Variants in PATJ observed in about 807,000 individuals in gnomAD.
The protein encoded by PATJ is PATJ crumbs cell polarity complex component.
In PATJ, 190 loss-of-function variants were observed where a neutral mutation model predicts 224.9. The ratio of observed to expected loss-of-function variants is 0.84; its 90% CI spans 0.75 to 0.95. The LOEUF is 0.95. Ranked by LOEUF, PATJ falls within the 40% of genes least tolerant of loss-of-function variation. The pLI, the probability that PATJ is intolerant of heterozygous loss-of-function variation, is 0.00. For missense variants in PATJ, 2,121 were observed against 2,270.3 expected (o/e 0.93, Z 1.34); for synonymous variants, 769 against 820.3 (o/e 0.94, Z 1.07).
At chr1:61,812,425 AGAGAGAGAGTGTGT>A (rs1258745292) in intron 14 of PATJ, among the ~76,000 whole-genome samples, 9 of 113,590 alleles carry the variant, frequency 7.9e-5, no homozygotes, top group African/African-American at 1.3e-4. Context: ...AGAGAGAGAG[AGAGAGAGAGTGTGT>A]GTGTGTGTGT....
intron 37 of PATJ, among the ~76,000 whole-genome samples, chr1:62,119,291 T>C (rs1334233069): frequency 2.0e-5 from 3 of 152,204 alleles, no homozygotes; most frequent in Non-Finnish European, 4.4e-5. Context: ...CATGATGAGT[T>C]GAAGACTGAC....
intron 27 of PATJ, among the ~76,000 whole-genome samples, chr1:61,982,817 T>G (rs1644523764): frequency 6.6e-6 from 1 of 151,990 alleles, no homozygotes; most frequent in Non-Finnish European, 1.5e-5. Flanking sequence ...GGTTCTTTGT[T>G]TTTTCTGTTT....
chr1:61,986,958 ACTTTT>A (rs974527440), intron 27 of PATJ, among the ~76,000 whole-genome samples: 11 of 150,824 alleles, frequency 7.3e-5, no homozygotes, highest in Non-Finnish European at 1.5e-4. Context: ...TTTTTTTTTA[ACTTTT>A]CTTGTTCTCT....
In PATJ at chr1:61,808,464, G is replaced by C. The variant is rs1386768009; in HGVS notation, c.1627-10G>C. The C allele has an allele frequency of 6.3e-7, 1 of 1,579,868 alleles. No homozygotes were observed. The highest frequency in any genetic ancestry group is 1.7e-5 in the Admixed American group (1 of 58,140). Reference sequence around the variant, plus strand: ...TTTACAAATACTGGAAATTTTTTTTGTAAATTTAGGTTGCTACTTTGGACA... The same window carrying C: ...TTTACAAATACTGGAAATTTTTTTTCTAAATTTAGGTTGCTACTTTGGACA... On this transcript the variant is annotated splice_polypyrimidine_tract_variant and intron_variant, in intron 13 of 43. Coordinates refer to ENST00000642238, the MANE Select transcript of PATJ (RefSeq NM_001350145.3).
intron 27 of PATJ, among the ~76,000 whole-genome samples, chr1:61,946,890 T>C (rs1353427821): frequency 1.3e-5 from 2 of 152,172 alleles, no homozygotes; most frequent in African/African-American, 4.8e-5. Context: ...GGCCTCATCC[T>C]TGGGATGCAA....
In PATJ at chr1:61,896,729, G is replaced by T. The variant is rs565777348; in HGVS notation, c.3132-2854G>T. 9.9e-5 allele frequency among the ~76,000 whole-genome samples: 15 copies of T among 152,210 alleles called. No individual in the cohort carries two copies. The East Asian group carries it at 2.9e-3, about 29-fold the overall frequency. On this transcript the variant is annotated intron_variant, in intron 22 of 43. Transcript: ENST00000642238. ...ACCTGATGAGAGGTGATTGGATCAT[G>T]GGGGAAGTTTTCACATGTTGTTCTC...
intron 13 of PATJ, among the ~76,000 whole-genome samples, chr1:61,806,874 G>A (rs535354090): frequency 9.8e-4 from 149 of 152,078 alleles, no homozygotes; most frequent in African/African-American, 3.1e-3. Flanking sequence ...TTTTTAGGCC[G>A]GGTGGAGTAG....
rs752592500 is a variant in PATJ at position 61,827,407 on chromosome 1, C to G, written c.1819-15C>G. On this transcript the variant is annotated splice_polypyrimidine_tract_variant and intron_variant, in intron 15 of 43. Transcript: ENST00000642238. Reference sequence around the variant, plus strand: ...GGGGCTGGCTCAGTTCTGACTTATCCCCTTGTCTTCCTAGGTCAATGGCAT... The same window carrying G: ...GGGGCTGGCTCAGTTCTGACTTATCGCCTTGTCTTCCTAGGTCAATGGCAT... 6.2e-7 allele frequency: 1 copy of G among 1,606,674 alleles called. No homozygotes were observed. The highest frequency in any genetic ancestry group is 1.1e-5 in the South Asian group (1 of 89,808).
chr1:61,818,881 T>C (rs1051005872), intron 14 of PATJ, among the ~76,000 whole-genome samples: 8 of 152,130 alleles, frequency 5.3e-5, no homozygotes, highest in African/African-American at 1.7e-4. Context: ...TAGATGCGGA[T>C]TGGGAGAGGA....
chr1:62,011,719 T>TAA (rs11448104), intron 28 of PATJ, among the ~76,000 whole-genome samples: 9,501 of 143,508 alleles, frequency 0.066, 688 homozygotes, highest in East Asian at 0.41. Context: ...TTTCCATTTG[T>TAA]AAAAAAAAAA....
At chr1:61,782,351 C>A (rs1273111298) in intron 7 of PATJ, among the ~76,000 whole-genome samples, 1 of 152,144 alleles carries the variant, frequency 6.6e-6, no homozygotes, top group East Asian at 1.9e-4. Flanking sequence ...ATGCTTATAA[C>A]CCACTGGGAG....
At chr1:61,793,806 T>C (rs1010906324) in intron 9 of PATJ, among the ~76,000 whole-genome samples, 2 of 151,994 alleles carry the variant, frequency 1.3e-5, no homozygotes. Context: ...AAAAATAAAT[T>C]TGGGCAGATT....
At chr1:62,013,407 A>G (rs961836482) in intron 28 of PATJ, 3 of 985,178 alleles carry the variant, frequency 3.0e-6, no homozygotes, top group East Asian at 1.1e-4. Context: ...CACCACTTCC[A>G]TTCAGGACTG....
chr1:61,858,897 A>T (rs140542267), intron 18 of PATJ, among the ~76,000 whole-genome samples: 1 of 152,298 alleles, frequency 6.6e-6, no homozygotes, highest in African/African-American at 2.4e-5. Context: ...GCACATAGCT[A>T]AGTAAGTTCT....
chr1:61,887,496 G>A (rs747963654), intron 22 of PATJ, among the ~76,000 whole-genome samples: 1 of 152,142 alleles, frequency 6.6e-6, no homozygotes, highest in African/African-American at 2.4e-5. Context: ...TGGTAGGAGA[G>A]TAACCACCTA....
intron 42 of PATJ, among the ~76,000 whole-genome samples, chr1:62,152,383 G>A (rs888739176): frequency 1.3e-5 from 2 of 152,000 alleles, no homozygotes; most frequent in East Asian, 1.9e-4. Context: ...GTCTGAGTGC[G>A]GCAGCTCACG....
intron 14 of PATJ, among the ~76,000 whole-genome samples, chr1:61,819,566 A>G (rs1487810674): frequency 7.0e-6 from 1 of 142,646 alleles, no homozygotes; most frequent in Admixed American, 6.9e-5. Flanking sequence ...GATCAGTGGT[A>G]TGCTGGTAAG....
At chr1:62,117,009 G>A in intron 36 of PATJ, 123 bp from the exon 37 acceptor site, 1 of 777,270 alleles carries the variant, frequency 1.3e-6, no homozygotes, top group Non-Finnish European at 2.1e-6. Context: ...CTCTCTCTAG[G>A]GCTATGCCTG....
Position 61,952,576 on chromosome 1 carries a change from T to C in PATJ, c.3670+24747T>C, listed in dbSNP as rs2482878. Among the ~76,000 whole-genome samples the C allele has an allele frequency of 3.6e-3, 550 of 152,364 alleles. 3 individuals are homozygous for C. Among genetic ancestry groups the C allele is most frequent in the African/African-American group, 0.012 (519 of 41,600 alleles). On this transcript the variant is annotated intron_variant, in intron 27 of 43. Coordinates refer to ENST00000642238, the MANE Select transcript of PATJ (RefSeq NM_001350145.3). ...CACATATGCATGTGCAAGGTGATTGTACATTAGAAACAAACCCCTGCAATT... is the reference window on the plus strand; with the variant it reads ...CACATATGCATGTGCAAGGTGATTGCACATTAGAAACAAACCCCTGCAATT...
Sources: allele counts gnomAD v4.1 joint callset (sites outside exome capture counted in the v4.1 genomes callset), GRCh38; gene constraint gnomAD v4.1.1; transcripts MANE v1.5; gene names NCBI Gene and HGNC (gene_info 2026-07-23, HGNC 2026-07-21).